The following LIFR variants were observed in gnomAD, a reference collection of about 807,000 sequenced individuals.
LIFR encodes the protein LIF receptor subunit alpha, also known as leukemia inhibitory factor receptor.
A neutral mutation model predicts 122.2 loss-of-function variants in LIFR; 84 were observed. That is an observed-to-expected ratio of 0.69 (90% confidence interval 0.58 to 0.82). The LOEUF (loss-of-function observed/expected upper bound fraction) is 0.82, where lower values mean the gene tolerates loss of function less well. Ranked by LOEUF, LIFR falls within the 40% of genes least tolerant of loss-of-function variation. The pLI is 0.00. For synonymous variants in LIFR, 422 were observed against 434.7 expected (o/e 0.97, Z 0.36); for missense variants, 1,294 against 1,311.6 (o/e 0.99, Z 0.21).
chr5:38,548,330 C>T (rs1235002630), intron 1 of LIFR, among the ~76,000 whole-genome samples: 1 of 152,168 alleles, frequency 6.6e-6, no homozygotes, highest in East Asian at 1.9e-4. Flanking sequence ...CTAGTATGTT[C>T]CTCATATACA....
intron 1 of LIFR, 106 bp downstream of exon 1, chr5:38,556,228 G>A (rs1748531035): frequency 6.6e-6 from 1 of 151,992 alleles, no homozygotes; most frequent in South Asian, 2.1e-4. Context: ...ACGCTCCGCA[G>A]AGCTGGGAGC....
intron 1 of LIFR, among the ~76,000 whole-genome samples, chr5:38,572,164 G>T (rs1477727796): frequency 6.6e-6 from 1 of 152,134 alleles, no homozygotes; most frequent in Non-Finnish European, 1.5e-5. Flanking sequence ...AAAGAAAAGA[G>T]GCTTAATTGG....
upstream of LIFR, among the ~76,000 whole-genome samples, chr5:38,559,445 G>A (rs1339663161): frequency 1.3e-5 from 2 of 152,154 alleles, no homozygotes; most frequent in Non-Finnish European, 2.9e-5. Context: ...ATGGACTCCT[G>A]AAGGAATTTC....
intron 1 of LIFR, among the ~76,000 whole-genome samples, chr5:38,549,545 C>A (rs1166301658): frequency 6.6e-6 from 1 of 152,206 alleles, no homozygotes; most frequent in Non-Finnish European, 1.5e-5. Context: ...GTAATCCCAG[C>A]ACTTTGGGAG....
Position 38,523,528 on chromosome 5 carries a change from G to C in LIFR, c.452C>G (p.Ser151Cys), listed in dbSNP as rs61751712. The C allele has an allele frequency of 4.1e-4, 658 of 1,613,098 alleles. 2 individuals carry two copies. Among genetic ancestry groups the C allele is most frequent in the Non-Finnish European group, 5.5e-4 (647 of 1,179,258 alleles). ...ILNLSADFSTSTLYLKWNDRG... is the reference protein window; with the variant it reads ...ILNLSADFSTCTLYLKWNDRG... The stretch of plus-strand genomic sequence containing the variant: ...GTCGTTCCACTTTAGGTATAATGTA[G>C]AGGTTGAGAAATCAGCAGACAAATT... Residue 151 changes from serine to cysteine, a missense_variant, in exon 5 of 20, where the codon TCT becomes TGT. Physicochemically the swap from Ser to Cys is moderately radical, Grantham distance 112. Transcript: ENST00000453190.
intron 9 of LIFR, 100 bp from the exon 10 acceptor site, chr5:38,504,221 A>G: frequency 1.2e-6 from 1 of 829,154 alleles, no homozygotes. Context: ...ACGAGGCATC[A>G]TTAGTGCTGA....
intron 1 of LIFR, among the ~76,000 whole-genome samples, chr5:38,541,440 G>C (rs1220196110): frequency 6.6e-6 from 1 of 152,170 alleles, no homozygotes; most frequent in African/African-American, 2.4e-5. Context: ...GCAAGGATCA[G>C]AAACAACAAA....
At chr5:38,572,633 G>T (rs1338908842) in intron 1 of LIFR, among the ~76,000 whole-genome samples, 1 of 152,106 alleles carries the variant, frequency 6.6e-6, no homozygotes, top group Non-Finnish European at 1.5e-5. Context: ...GCCTGAAGGG[G>T]GGTCAGAATA....
intron 1 of LIFR, chr5:38,550,274 C>T: frequency 1.0e-6 from 1 of 955,380 alleles, no homozygotes; most frequent in South Asian, 4.8e-5. Context: ...TTTAAAATAG[C>T]TGAGCTATTG....
intron 18 of LIFR, 76 bp downstream of exon 18, chr5:38,484,699 T>C: frequency 1.1e-6 from 1 of 928,482 alleles, no homozygotes; most frequent in Non-Finnish European, 1.7e-6. Flanking sequence ...ACTTATTTAA[T>C]ACATAAACTA....
At chr5:38,491,500 T>C (rs1221648078) in intron 14 of LIFR, among the ~76,000 whole-genome samples, 2 of 152,186 alleles carry the variant, frequency 1.3e-5, no homozygotes, top group Non-Finnish European at 2.9e-5. Flanking sequence ...TAGATGCTCA[T>C]CAGTGGTGGT....
At chr5:38,533,498 CA>C (rs1343153895) in intron 1 of LIFR, among the ~76,000 whole-genome samples, 1 of 152,196 alleles carries the variant, frequency 6.6e-6, no homozygotes, top group East Asian at 1.9e-4. Context: ...AGTGTTCACA[CA>C]TGTACTTTGA....
intron 11 of LIFR, among the ~76,000 whole-genome samples, chr5:38,500,119 CTCT>C (rs764523888): frequency 4.6e-5 from 7 of 152,162 alleles, no homozygotes; most frequent in Non-Finnish European, 8.8e-5. Flanking sequence ...ACTTCCTCTC[CTCT>C]GTGGCATTTG....
At position 38,481,741 on chromosome 5, in the gene LIFR, T is replaced by C. The variant is rs370859972; in HGVS notation, c.3148A>G (p.Ser1050Gly). ...VSPDSPRSID[S>G]NSEIVSFGSP... ...CCAAATGAGACAATCTCACTGTTGC[T>C]GTCTATGGATCTAGGAGAGTCTGGA... The change falls in exon 20 of 20, where the codon AGC becomes GGC. Residue 1050 changes from serine (S) to glycine (G), a missense_variant. Coordinates refer to ENST00000453190, the MANE Select transcript of LIFR (RefSeq NM_001127671.2). 2 of 1,614,178 alleles carry C rather than the reference T, an allele frequency of 1.2e-6. No homozygotes were observed. The highest frequency in any genetic ancestry group is 8.5e-7 in the Non-Finnish European group (1 of 1,180,018).
chr5:38,573,893 T>C (rs1243913907), intron 1 of LIFR, among the ~76,000 whole-genome samples: 1 of 152,056 alleles, frequency 6.6e-6, no homozygotes, highest in Non-Finnish European at 1.5e-5. Flanking sequence ...CTGAGGGGTA[T>C]AGATCACTTG....
chr5:38,492,577 C>T (rs1476728896), intron 14 of LIFR, among the ~76,000 whole-genome samples: 1 of 152,136 alleles, frequency 6.6e-6, no homozygotes, highest in African/African-American at 2.4e-5. Flanking sequence ...ACCACTTCAG[C>T]CAATTATACA....
In LIFR at chr5:38,496,367, A is replaced by C; in HGVS notation, c.1885+15T>G. On this transcript the variant is annotated intron_variant, in intron 13 of 19. Coordinates refer to ENST00000453190, the MANE Select transcript of LIFR (RefSeq NM_001127671.2). ...GTTTCCCGTTCTTATATACTAAATC[A>C]TCTCAAGCACTCACCATTTGGAATT... 7.6e-6 allele frequency: 12 copies of C among 1,585,752 alleles called. No homozygotes were observed. The highest frequency in any genetic ancestry group is 1.0e-5 in the Non-Finnish European group (12 of 1,154,130).
chr5:38,492,691 C>T (rs1369315637), intron 14 of LIFR, among the ~76,000 whole-genome samples: 2 of 152,100 alleles, frequency 1.3e-5, no homozygotes, highest in African/African-American at 2.4e-5. Context: ...GAGAGAGAAA[C>T]AGTAAGCAAG....
chr5:38,598,257 TTTC>T (rs567484245), upstream of LIFR, among the ~76,000 whole-genome samples: 4,468 of 57,716 alleles, frequency 0.077, 1,023 homozygotes, highest in Non-Finnish European at 0.091. Context: ...TTTTTTTTTT[TTTC>T]TTTTTAGAGG....
Sources: allele counts gnomAD v4.1 joint callset (sites outside exome capture counted in the v4.1 genomes callset), GRCh38; gene constraint gnomAD v4.1.1; transcripts MANE v1.5; gene names NCBI Gene and HGNC (gene_info 2026-07-23, HGNC 2026-07-21).